The following KBTBD11 variants were observed in gnomAD, a reference collection of about 807,000 sequenced individuals.
The protein encoded by KBTBD11 is kelch repeat and BTB domain containing 11.
For synonymous variants in KBTBD11, 747 were observed against 499.0 expected, an observed-to-expected ratio of 1.50 and a Z score of -6.63; for missense variants, 1,390 against 1,001.8, an observed-to-expected ratio of 1.39 and a Z score of -5.23.
At chr8:1,982,925 C>G (rs906854220) in intron 1 of KBTBD11, among the ~76,000 whole-genome samples, 7 of 152,056 alleles carry the variant, frequency 4.6e-5, no homozygotes, top group African/African-American at 9.7e-5. Context: ...GGGGTATTGC[C>G]ATGTTGTCCA....
chr8:1,975,737 G>A (rs1171786377), intron 1 of KBTBD11, among the ~76,000 whole-genome samples: 1 of 152,242 alleles, frequency 6.6e-6, no homozygotes, highest in Non-Finnish European at 1.5e-5. Context: ...TTCCCAGGGA[G>A]CAGGACTCTG....
rs1421483997 is a variant in KBTBD11, at chr8:2,005,929, C to T, written c.*2865C>T. ...TTCATTTGAGATGCAGAGGAATGAG[C>T]TTGAGCCTTCCTCCTTTTCCTTCCG... On this transcript the variant is annotated 3_prime_UTR_variant, in exon 2 of 2. Coordinates refer to ENST00000320248, the MANE Select transcript of KBTBD11 (RefSeq NM_014867.3). 6.0e-6 allele frequency: 1 copy of T among 167,096 alleles called. No homozygotes were observed. The highest frequency in any genetic ancestry group is 2.4e-5 in the African/African-American group (1 of 41,444). The allele number at this position is 167,096 out of a possible 1,614,324, so 10.4% of individuals were successfully genotyped here. A position where few individuals can be genotyped will look rare whatever the true frequency, so the allele number is the denominator to read the frequency against.
chr8:1,973,985 G>T, intron 1 of KBTBD11, 50 bp downstream of exon 1: 1 of 967,344 alleles, frequency 1.0e-6, no homozygotes, highest in Non-Finnish European at 1.2e-6. Flanking sequence ...GGCGGAGCGG[G>T]AAGCAGCCCG....
chr8:1,989,559 A>G (rs957819908), intron 1 of KBTBD11, among the ~76,000 whole-genome samples: 2 of 152,208 alleles, frequency 1.3e-5, no homozygotes, highest in Admixed American at 1.3e-4. Context: ...TCCATACCGC[A>G]TGGATCTCAG....
Position 1,989,326 on chromosome 8 carries a change from C to T in KBTBD11, c.-908-10959C>T, listed in dbSNP as rs80314114. On this transcript the variant is annotated intron_variant, in intron 1 of 1. Transcript: ENST00000320248. ...AATGAGTACAATGATTTATTTTCAT[C>T]CAGTTTTCTTTCAGTACTTCCAGAT... Among the ~76,000 whole-genome samples the T allele has an allele frequency of 7.5e-4, 114 of 152,302 alleles. No individual in the cohort carries two copies. The East Asian group carries it at 0.02, about 27-fold the overall frequency.
chr8:2,001,667 GC>G lies in KBTBD11; in HGVS notation c.476del (p.Ala159GlyfsTer21). On this transcript the variant is annotated frameshift_variant, in exon 2 of 2. Transcript: ENST00000320248. LOFTEE classifies it low-confidence loss of function (END_TRUNC). ...RRLRAHKAVL[A>X]ARSDYFRARA... is the part of the protein sequence containing the mutation. ...GCTGCGCGCGCACAAGGCGGTGCTG[GC>G]GGCGCGCAGCGACTACTTCCGCGCG... The G allele has an allele frequency of 6.8e-7, 1 of 1,463,974 alleles. No homozygotes were observed. The highest frequency in any genetic ancestry group is 9.0e-7 in the Non-Finnish European group (1 of 1,112,900). The allele number at this position is 1,463,974 out of a possible 1,614,324, so 90.7% of individuals were successfully genotyped here.
chr8:2,002,147 G>A lies in KBTBD11; in HGVS notation c.955G>A (p.Ala319Thr). ...GSRPQSPSGD[A>T]DARGDAAVYC... ...CCGGCCTCAGAGCCCCTCGGGGGAC[G>A]CGGACGCGCGCGGGGACGCGGCCGT... The change falls in exon 2 of 2, where the codon GCG becomes ACG. Residue 319 changes from alanine to threonine, a missense_variant. By Grantham distance (58) the Ala-to-Thr change is moderately conservative. Coordinates refer to ENST00000320248, the MANE Select transcript of KBTBD11 (RefSeq NM_014867.3). The surrounding 1 kb of genome is among the most constrained non-coding windows in gnomAD (Gnocchi z 4.1). 1.7e-6 allele frequency: 2 copies of A among 1,176,064 alleles called. No homozygotes were observed. The highest frequency in any genetic ancestry group is 2.1e-6 in the Non-Finnish European group (2 of 955,034). 72.9% of individuals were successfully genotyped at this position (1,176,064 alleles called of 1,614,324 possible). A position where few individuals can be genotyped will look rare whatever the true frequency, so the allele number is the denominator to read the frequency against.
Position 2,006,779 on chromosome 8 carries a change from A to G in KBTBD11, c.*3715A>G, listed in dbSNP as rs575297659. ...TTACCATTTATTAAAGGTAAACTAC[A>G]CCTGTTGAAGGCCAAGTTCAGGGCA... On this transcript the variant is annotated 3_prime_UTR_variant, in exon 2 of 2. Coordinates refer to ENST00000320248, the MANE Select transcript of KBTBD11 (RefSeq NM_014867.3). 54 of 167,122 alleles carry G rather than the reference A, an allele frequency of 3.2e-4. No individual in the cohort carries two copies. Among genetic ancestry groups the G allele is most frequent in the Admixed American group, 6.5e-4 (10 of 15,292 alleles). The allele number at this position is 167,122 out of a possible 1,614,324, so 10.4% of individuals were successfully genotyped here. A position where few individuals can be genotyped will look rare whatever the true frequency, so the allele number is the denominator to read the frequency against.
intron 1 of KBTBD11, among the ~76,000 whole-genome samples, chr8:1,984,310 A>G (rs1362501690): frequency 2.9e-5 from 3 of 102,206 alleles, no homozygotes; most frequent in African/African-American, 1.2e-4. Context: ...TTTTTTTGAG[A>G]CAGAGTCTTG....
chr8:1,976,866 G>T (rs1322070455), intron 1 of KBTBD11, among the ~76,000 whole-genome samples: 1 of 152,186 alleles, frequency 6.6e-6, no homozygotes, highest in Non-Finnish European at 1.5e-5. Context: ...CAAAGGCCCT[G>T]TGGTGAGGAC....
intron 1 of KBTBD11, among the ~76,000 whole-genome samples, chr8:1,999,525 A>G (rs1327236053): frequency 6.6e-6 from 1 of 152,196 alleles, no homozygotes; most frequent in Non-Finnish European, 1.5e-5. Flanking sequence ...GCGTTTGCCA[A>G]TTTAAGAAAG....
intron 1 of KBTBD11, among the ~76,000 whole-genome samples, chr8:1,991,156 C>G (rs1190100783): frequency 1.3e-5 from 2 of 152,198 alleles, no homozygotes; most frequent in African/African-American, 4.8e-5. Context: ...GTGCCCTCTT[C>G]TTGTCCTGCT....
intron 1 of KBTBD11, among the ~76,000 whole-genome samples, chr8:1,997,174 C>G (rs1184591836): frequency 6.6e-6 from 1 of 152,076 alleles, no homozygotes; most frequent in African/African-American, 2.4e-5. Context: ...TTCACAGTAA[C>G]AAGGATGGAC....
At chr8:1,978,033 G>A (rs1177750099) in intron 1 of KBTBD11, among the ~76,000 whole-genome samples, 4 of 152,152 alleles carry the variant, frequency 2.6e-5, no homozygotes, top group Non-Finnish European at 5.9e-5. Context: ...GTACATGTGC[G>A]GGAGGTGCAG....
chr8:1,994,619 C>T lies in KBTBD11; in HGVS notation c.-908-5666C>T, dbSNP rs140134778. ...ACACCTCCCTCCCAGAAGGCTCCTG[C>T]GGGTGCCACGTGTTAATATGATGTA... On this transcript the variant is annotated intron_variant, in intron 1 of 1. Transcript: ENST00000320248. 1.9e-3 allele frequency among the ~76,000 whole-genome samples: 294 copies of T among 152,316 alleles called. 3 individuals are homozygous for T. The highest frequency in any genetic ancestry group is 0.017 in the Middle Eastern group (5 of 294).
At chr8:1,985,062 G>C (rs991905967) in intron 1 of KBTBD11, among the ~76,000 whole-genome samples, 1 of 152,186 alleles carries the variant, frequency 6.6e-6, no homozygotes, top group Admixed American at 6.5e-5. Context: ...CTGGGTCCTC[G>C]GAAGCCCCTG....
intron 1 of KBTBD11, among the ~76,000 whole-genome samples, chr8:1,992,099 G>T (rs1428891630): frequency 7.2e-5 from 11 of 152,052 alleles, no homozygotes; most frequent in Admixed American, 7.2e-4. Flanking sequence ...TGCCACCCAG[G>T]ACACGCACTC....
chr8:1,989,352 C>A (rs1040862488), intron 1 of KBTBD11, among the ~76,000 whole-genome samples: 1 of 152,338 alleles, frequency 6.6e-6, no homozygotes. Flanking sequence ...ACTTCCAGAT[C>A]TGTGATTCCA....
rs1352140582 is a variant in KBTBD11, at chr8:1,974,138, G to A, written c.-909+203G>A. Among the ~76,000 whole-genome samples, 3 of 134,864 alleles carry A rather than the reference G, an allele frequency of 2.2e-5. No individual in the cohort carries two copies. In the South Asian group the frequency reaches 7.7e-4, roughly 34 times the overall value. The allele number at this position is 134,864 out of a possible 152,430, so 88.5% of individuals were successfully genotyped here. ...GGGAGGGGAGCGGAGCGGAGGGGAG[G>A]GGAGGGGGGACCGGGAGAGGAGGGG... On this transcript the variant is annotated intron_variant, in intron 1 of 1. Transcript: ENST00000320248.
Sources: allele counts gnomAD v4.1 joint callset (sites outside exome capture counted in the v4.1 genomes callset), GRCh38; gene constraint gnomAD v4.1.1; non-coding constraint Gnocchi (gnomAD v3.1); transcripts MANE v1.5; gene names NCBI Gene and HGNC (gene_info 2026-07-23, HGNC 2026-07-21).